Variants in TRMT9B observed in about 807,000 individuals in gnomAD.
TRMT9B encodes the protein probable tRNA methyltransferase 9B.
Under a neutral mutation model 11.5 loss-of-function variants are expected in TRMT9B, and 16 were observed. The observed-to-expected ratio is 1.39, with a 90% CI of 0.94 to 2.11. The LOEUF (loss-of-function observed/expected upper bound fraction) is 2.11. Among genes scored for constraint, TRMT9B ranks in the 30% most tolerant of loss-of-function variants. TRMT9B has a pLI of 0.00. For synonymous variants in TRMT9B, 274 were observed against 192.4 expected (o/e 1.42, Z -3.51); for missense variants, 941 against 553.8 (o/e 1.70, Z -7.02).
chr8:13,016,526 A>G (rs1045508876), intron 4 of TRMT9B, among the ~76,000 whole-genome samples: 1 of 151,700 alleles, frequency 6.6e-6, no homozygotes, highest in African/African-American at 2.4e-5. Context: ...GAAGAAATAT[A>G]TAAGTATATA....
intron 1 of TRMT9B, among the ~76,000 whole-genome samples, chr8:12,970,987 G>T (rs568247559): frequency 6.6e-6 from 1 of 152,144 alleles, no homozygotes; most frequent in Admixed American, 6.5e-5. Context: ...TTCATTTTTT[G>T]CATTTTTAAA....
At chr8:12,963,244 A>T (rs1347310904) in intron 1 of TRMT9B, among the ~76,000 whole-genome samples, 1 of 152,174 alleles carries the variant, frequency 6.6e-6, no homozygotes, top group Non-Finnish European at 1.5e-5. Context: ...CCAGCTGGCC[A>T]ATATAGTGAA....
At chr8:13,004,414 C>T (rs1310699024) in intron 2 of TRMT9B, among the ~76,000 whole-genome samples, 1 of 151,748 alleles carries the variant, frequency 6.6e-6, no homozygotes, top group Middle Eastern at 3.4e-3. Flanking sequence ...GCCCTTCCTT[C>T]TGCTTGAGGA....
At chr8:12,960,230 C>G (rs796749918) in intron 1 of TRMT9B, 20 of 152,346 alleles carry the variant, frequency 1.3e-4, no homozygotes, top group African/African-American at 4.6e-4. Context: ...CAGAGGAAAT[C>G]TGCTCATTTT....
chr8:13,018,964 A>C lies in TRMT9B; in HGVS notation c.329-2044A>C, dbSNP rs376121514. Among the ~76,000 whole-genome samples, 18 of 152,318 alleles carry C rather than the reference A, an allele frequency of 1.2e-4. No individual in the cohort carries two copies. The East Asian group carries it at 1.4e-3, about 11-fold the overall frequency. The stretch of plus-strand genomic sequence containing the variant: ...GATCACAAAAAGAACCCTTGATTAC[A>C]GTATTAGAGTTGAAATAAGAAGAAA... On this transcript the variant is annotated intron_variant, in intron 4 of 4. Transcript: ENST00000524591.
At chr8:12,947,008 G>T (rs1036879727) in intron 1 of TRMT9B, among the ~76,000 whole-genome samples, 1 of 152,182 alleles carries the variant, frequency 6.6e-6, no homozygotes, top group African/African-American at 2.4e-5. Flanking sequence ...TTTAGGAGAT[G>T]GCTACTGGGA....
At chr8:13,004,668 C>A (rs1810089697) in intron 2 of TRMT9B, among the ~76,000 whole-genome samples, 1 of 151,900 alleles carries the variant, frequency 6.6e-6, no homozygotes, top group Non-Finnish European at 1.5e-5. Context: ...GCGGTGATAC[C>A]CAAGTAATAC....
At position 13,026,619 on chromosome 8, in the gene TRMT9B, A is replaced by C. The variant is rs552479301; in HGVS notation, c.*4575A>C. The C allele has an allele frequency of 3.0e-5, 5 of 167,260 alleles. No homozygotes were observed. The East Asian group carries it at 9.6e-4, about 32-fold the overall frequency. The allele number at this position is 167,260 out of a possible 1,614,324, so 10.4% of individuals were successfully genotyped here. On this transcript the variant is annotated 3_prime_UTR_variant, in exon 5 of 5. Transcript: ENST00000524591. Reference sequence around the variant, plus strand: ...TATGCAGTCCTCACCACAGCCCTCCAAGATAACTATACTTATTGTTCCCAT... The same window carrying C: ...TATGCAGTCCTCACCACAGCCCTCCCAGATAACTATACTTATTGTTCCCAT...
At chr8:12,956,252 A>G in intron 1 of TRMT9B, among the ~76,000 whole-genome samples, 1 of 152,176 alleles carries the variant, frequency 6.6e-6, no homozygotes, top group Non-Finnish European at 1.5e-5. Flanking sequence ...ACATATCTAA[A>G]ATATATTTCA....
chr8:12,991,774 T>C (rs1807379011), intron 2 of TRMT9B, among the ~76,000 whole-genome samples: 1 of 152,020 alleles, frequency 6.6e-6, no homozygotes, highest in South Asian at 2.1e-4. Flanking sequence ...CTACTAAAAA[T>C]GCACAACTTA....
At chr8:12,952,762 C>G in intron 1 of TRMT9B, 2 of 838,892 alleles carry the variant, frequency 2.4e-6, no homozygotes, top group Non-Finnish European at 1.4e-6. Flanking sequence ...TGTTGTTTGA[C>G]GGAGTCTCTC....
At position 13,023,412 on chromosome 8, in the gene TRMT9B, A is replaced by G; in HGVS notation, c.*1368A>G. ...AAGGTGACTACATTTTATTAGTTATATTAGGAATTTAGGTAGAATCAACTT... is the reference window on the plus strand; with the variant it reads ...AAGGTGACTACATTTTATTAGTTATGTTAGGAATTTAGGTAGAATCAACTT... On this transcript the variant is annotated 3_prime_UTR_variant, in exon 5 of 5. Coordinates refer to ENST00000524591, the MANE Select transcript of TRMT9B (RefSeq NM_020844.3). The G allele has an allele frequency of 6.0e-6, 1 of 167,182 alleles. No homozygotes were observed. 10.4% of individuals were successfully genotyped at this position (167,182 alleles called of 1,614,324 possible). A position where few individuals can be genotyped will look rare whatever the true frequency, so the allele number is the denominator to read the frequency against.
At chr8:12,982,356 T>C in intron 1 of TRMT9B, among the ~76,000 whole-genome samples, 1 of 152,198 alleles carries the variant, frequency 6.6e-6, no homozygotes, top group East Asian at 1.9e-4. Context: ...ATGGACTCTG[T>C]CTGAAATTCA....
intron 4 of TRMT9B, among the ~76,000 whole-genome samples, chr8:13,015,724 A>G (rs1812529393): frequency 6.6e-6 from 1 of 152,040 alleles, no homozygotes; most frequent in Non-Finnish European, 1.5e-5. Flanking sequence ...AAGGAAGGGG[A>G]TATAGACCAC....
intron 4 of TRMT9B, among the ~76,000 whole-genome samples, chr8:13,018,227 C>T (rs377232657): frequency 6.6e-6 from 1 of 150,898 alleles, no homozygotes; most frequent in Non-Finnish European, 1.5e-5. Context: ...CATGGCAAAA[C>T]TCCATCTCTA....
chr8:12,953,435 C>T (rs937337975), intron 1 of TRMT9B, among the ~76,000 whole-genome samples: 1 of 151,998 alleles, frequency 6.6e-6, no homozygotes, highest in Admixed American at 6.6e-5. Flanking sequence ...ATACAACTTC[C>T]GTCTCCCGAG....
At chr8:12,969,036 A>G (rs919340218) in intron 1 of TRMT9B, among the ~76,000 whole-genome samples, 2 of 152,058 alleles carry the variant, frequency 1.3e-5, no homozygotes, top group Admixed American at 6.6e-5. Flanking sequence ...ACATGGTGAA[A>G]CCCCATCTCT....
chr8:13,026,834 A>G lies in TRMT9B; in HGVS notation c.*4790A>G, dbSNP rs925565542. The G allele has an allele frequency of 6.0e-6, 1 of 167,100 alleles. No homozygotes were observed. The highest frequency in any genetic ancestry group is 2.4e-5 in the African/African-American group (1 of 41,452). The allele number at this position is 167,100 out of a possible 1,614,324, so 10.4% of individuals were successfully genotyped here. A position where few individuals can be genotyped will look rare whatever the true frequency, so the allele number is the denominator to read the frequency against. ...CAGCTCATGTGCTTGGCGGAGTATT[A>G]GAGCCTTTCAAGGTAAGTGTGATTA... On this transcript the variant is annotated 3_prime_UTR_variant, in exon 5 of 5. Coordinates refer to ENST00000524591, the MANE Select transcript of TRMT9B (RefSeq NM_020844.3).
chr8:12,997,344 T>C (rs1249008665), intron 2 of TRMT9B, among the ~76,000 whole-genome samples: 1 of 152,140 alleles, frequency 6.6e-6, no homozygotes, highest in Non-Finnish European at 1.5e-5. Flanking sequence ...TTGCTCCCTC[T>C]CTGACCTTGT....
Sources: allele counts gnomAD v4.1 joint callset (sites outside exome capture counted in the v4.1 genomes callset), GRCh38; gene constraint gnomAD v4.1.1; transcripts MANE v1.5; gene names NCBI Gene and HGNC (gene_info 2026-07-23, HGNC 2026-07-21).